The following RAB39A variants were observed in gnomAD, a reference collection of about 807,000 sequenced individuals.
The protein encoded by RAB39A is ras-related protein Rab-39A.
In RAB39A, 17 loss-of-function variants were observed where a neutral mutation model predicts 20.9. The observed-to-expected ratio is 0.81, with a 90% CI of 0.56 to 1.22. The LOEUF (loss-of-function observed/expected upper bound fraction) is 1.22, where lower values mean the gene tolerates loss of function less well. Among genes scored for constraint, RAB39A ranks in the 50% most tolerant of loss-of-function variants. The probability of loss-of-function intolerance (pLI) is 0.00; values close to 1 mark genes in which losing one functional copy is unlikely to be tolerated. For synonymous variants in RAB39A, 99 were observed against 103.4 expected, an observed-to-expected ratio of 0.96 and a Z score of 0.26; for missense variants, 234 against 270.5, an observed-to-expected ratio of 0.87 and a Z score of 0.95.
intron 1 of RAB39A, among the ~76,000 whole-genome samples, chr11:107,938,321 C>A (rs1446495826): frequency 2.2e-5 from 3 of 138,536 alleles, no homozygotes; most frequent in East Asian, 4.3e-4. Flanking sequence ...GATCACGCCA[C>A]TGCACTCCAG....
At chr11:107,933,483 G>A (rs1013057600) in intron 1 of RAB39A, among the ~76,000 whole-genome samples, 6 of 143,936 alleles carry the variant, frequency 4.2e-5, no homozygotes, top group African/African-American at 1.5e-4. Context: ...AGGTTCAAGC[G>A]ATTCTCCTCC....
chr11:107,939,979 A>G (rs1055675912), intron 1 of RAB39A, among the ~76,000 whole-genome samples: 2 of 152,202 alleles, frequency 1.3e-5, no homozygotes, highest in African/African-American at 2.4e-5. Flanking sequence ...TTGTCAGTCA[A>G]TTTGGCTAGC....
At chr11:107,949,981 G>A (rs898528943) in intron 1 of RAB39A, among the ~76,000 whole-genome samples, 1 of 151,738 alleles carries the variant, frequency 6.6e-6, no homozygotes, top group Non-Finnish European at 1.5e-5. Context: ...GACCATCCTG[G>A]CTAACACAGT....
At chr11:107,935,499 C>T (rs1189460636) in intron 1 of RAB39A, among the ~76,000 whole-genome samples, 4 of 151,684 alleles carry the variant, frequency 2.6e-5, no homozygotes, top group Non-Finnish European at 4.4e-5. Context: ...CTCAGCCTCC[C>T]GAGTAGCTGG....
intron 1 of RAB39A, among the ~76,000 whole-genome samples, chr11:107,940,126 G>A (rs1861244443): frequency 1.3e-5 from 2 of 152,030 alleles, no homozygotes; most frequent in Admixed American, 1.3e-4. Context: ...TGATTTGGAG[G>A]GAATTTCCTT....
At chr11:107,953,270 T>C (rs1224192375) in intron 1 of RAB39A, among the ~76,000 whole-genome samples, 3 of 152,294 alleles carry the variant, frequency 2.0e-5, no homozygotes, top group East Asian at 1.9e-4. Flanking sequence ...TTTTGTACCA[T>C]TTTTTTCTTA....
At chr11:107,955,912 G>T (rs998236701) in intron 1 of RAB39A, among the ~76,000 whole-genome samples, 9 of 151,784 alleles carry the variant, frequency 5.9e-5, no homozygotes, top group African/African-American at 1.5e-4. Context: ...TTAGTAGGGG[G>T]TATAAAATAT....
At position 107,933,242 on chromosome 11, in the gene RAB39A, GTCC is replaced by G. The variant is rs559431998; in HGVS notation, c.227+4453_227+4455del. 2.4e-4 allele frequency among the ~76,000 whole-genome samples: 36 copies of G among 151,396 alleles called. No homozygotes were observed. The East Asian group carries it at 4.7e-3, about 20-fold the overall frequency. On this transcript the variant is annotated intron_variant, in intron 1 of 1. Coordinates refer to ENST00000320578, the MANE Select transcript of RAB39A (RefSeq NM_017516.3). ...GTTACCTGGCCTTTGGGGTATTAATGTCCTCCTCGTGCAGTGCTGTCAAGGAGT... is the reference window on the plus strand; with the variant it reads ...GTTACCTGGCCTTTGGGGTATTAATGTCCTCGTGCAGTGCTGTCAAGGAGT...
chr11:107,948,128 A>G (rs974728151), intron 1 of RAB39A, among the ~76,000 whole-genome samples: 2 of 152,150 alleles, frequency 1.3e-5, no homozygotes, highest in Non-Finnish European at 2.9e-5. Flanking sequence ...TGCAGATACC[A>G]AGGACAGCCA....
chr11:107,955,653 A>T (rs1349806799), intron 1 of RAB39A, among the ~76,000 whole-genome samples: 1 of 152,158 alleles, frequency 6.6e-6, no homozygotes, highest in Admixed American at 6.5e-5. Context: ...AGCCTGACCA[A>T]CATGGAGAAA....
intron 1 of RAB39A, among the ~76,000 whole-genome samples, chr11:107,947,592 G>A (rs1324267681): frequency 1.3e-5 from 2 of 152,040 alleles, no homozygotes; most frequent in African/African-American, 4.8e-5. Flanking sequence ...CACAATAGAT[G>A]AAAATAGAAA....
intron 1 of RAB39A, among the ~76,000 whole-genome samples, chr11:107,961,680 TCAGA>T (rs1243447478): frequency 2.1e-5 from 3 of 140,788 alleles, no homozygotes; most frequent in Admixed American, 2.0e-4. Flanking sequence ...AAACAAATAA[TCAGA>T]CAGTATGAGA....
At chr11:107,951,148 TAAGTTACAAGTGCC>T (rs1451116821) in intron 1 of RAB39A, among the ~76,000 whole-genome samples, 1 of 152,174 alleles carries the variant, frequency 6.6e-6, no homozygotes, top group Non-Finnish European at 1.5e-5. Flanking sequence ...AAGAATATTC[TAAGTTACAAGTGCC>T]AAGTTTCAGG....
At chr11:107,940,474 G>A (rs909624477) in intron 1 of RAB39A, among the ~76,000 whole-genome samples, 11 of 151,858 alleles carry the variant, frequency 7.2e-5, no homozygotes, top group South Asian at 2.1e-4. Context: ...ATGTTGGCCC[G>A]GCTGGTCTTA....
At chr11:107,940,582 C>T (rs1861248838) in intron 1 of RAB39A, among the ~76,000 whole-genome samples, 1 of 152,124 alleles carries the variant, frequency 6.6e-6, no homozygotes, top group African/African-American at 2.4e-5. Flanking sequence ...AAAATTCCTA[C>T]AAGCTTATAC....
intron 1 of RAB39A, among the ~76,000 whole-genome samples, chr11:107,955,050 G>T (rs1861419176): frequency 8.0e-6 from 1 of 124,484 alleles, no homozygotes; most frequent in Non-Finnish European, 1.6e-5. Flanking sequence ...AGGCTGGAGT[G>T]CAGTGGCCCG....
chr11:107,954,955 A>G (rs1477609165), intron 1 of RAB39A, among the ~76,000 whole-genome samples: 5 of 151,548 alleles, frequency 3.3e-5, no homozygotes, highest in African/African-American at 1.2e-4. Context: ...TTATTTTACA[A>G]AAGTATAATA....
At chr11:107,932,275 A>G (rs1447054330) in intron 1 of RAB39A, among the ~76,000 whole-genome samples, 1 of 152,200 alleles carries the variant, frequency 6.6e-6, no homozygotes, top group African/African-American at 2.4e-5. Context: ...TGTATATGTG[A>G]ACATAACTGT....
chr11:107,954,614 G>A (rs370072522), intron 1 of RAB39A, among the ~76,000 whole-genome samples: 13 of 152,310 alleles, frequency 8.5e-5, no homozygotes, highest in Middle Eastern at 6.8e-3. Context: ...TCCATTGAGC[G>A]TGGCTTACTG....
Sources: gnomAD v4.1 joint callset for allele counts (sites outside exome capture counted in the v4.1 genomes callset) on GRCh38, gnomAD v4.1.1 for gene constraint, MANE v1.5 for transcripts, NCBI Gene and HGNC (gene_info 2026-07-23, HGNC 2026-07-21) for gene names.